Variants in MECOM observed in about 807,000 individuals in gnomAD.
MECOM encodes the protein histone-lysine N-methyltransferase MECOM.
MECOM carries 13 observed loss-of-function variants against 116.3 expected under a neutral mutation model. The observed-to-expected ratio is 0.11, with a 90% CI of 0.07 to 0.18. The LOEUF is 0.18. MECOM is among the 10% of genes least tolerant of loss of function. The pLI, the probability that MECOM is intolerant of heterozygous loss-of-function variation, is 1.00. For missense variants in MECOM, 1,299 were observed against 1,509.0 expected (o/e 0.86, Z 2.31); for synonymous variants, 528 against 535.2 (o/e 0.99, Z 0.19).
intron 1 of MECOM, among the ~76,000 whole-genome samples, chr3:169,566,753 T>A (rs1344621896): frequency 6.6e-6 from 1 of 152,110 alleles, no homozygotes; most frequent in African/African-American, 2.4e-5. Flanking sequence ...CAATAGAAAG[T>A]TACTTGAACT....
At chr3:169,542,038 T>C (rs1463677173) in intron 1 of MECOM, among the ~76,000 whole-genome samples, 1 of 152,216 alleles carries the variant, frequency 6.6e-6, no homozygotes, top group African/African-American at 2.4e-5. Flanking sequence ...TTAAAACGTA[T>C]TTCTACTAAG....
At chr3:169,500,779 T>C (rs911706077) in intron 1 of MECOM, among the ~76,000 whole-genome samples, 1 of 151,978 alleles carries the variant, frequency 6.6e-6, no homozygotes, top group Non-Finnish European at 1.5e-5. Context: ...TTAGGTTTAA[T>C]TATTCACCTA....
intron 2 of MECOM, among the ~76,000 whole-genome samples, chr3:169,240,320 T>C (rs1754627288): frequency 6.6e-6 from 1 of 152,178 alleles, no homozygotes; most frequent in Non-Finnish European, 1.5e-5. Flanking sequence ...AGAAATGACC[T>C]CTAGCTGGGT....
At chr3:169,444,157 CCCTTACT>C (rs1286907900) in intron 1 of MECOM, among the ~76,000 whole-genome samples, 1 of 152,080 alleles carries the variant, frequency 6.6e-6, no homozygotes, top group East Asian at 1.9e-4. Context: ...GATCTTGTTG[CCCTTACT>C]CCCAAATCTT....
intron 1 of MECOM, among the ~76,000 whole-genome samples, chr3:169,615,992 C>T (rs956883267): frequency 6.6e-5 from 10 of 152,236 alleles, no homozygotes; most frequent in African/African-American, 2.4e-4. Flanking sequence ...CTGTTGGTGG[C>T]TCCTTTCCAA....
intron 1 of MECOM, among the ~76,000 whole-genome samples, chr3:169,578,746 A>G (rs1764786673): frequency 6.6e-6 from 1 of 152,178 alleles, no homozygotes; most frequent in African/African-American, 2.4e-5. Context: ...GGGACCGCTG[A>G]ATTAATTACA....
chr3:169,533,597 C>CTTTTT (rs1446426838), intron 1 of MECOM, among the ~76,000 whole-genome samples: 4 of 59,186 alleles, frequency 6.8e-5, no homozygotes, highest in African/African-American at 2.5e-4. Flanking sequence ...TTTTTATTTC[C>CTTTTT]TTATGTCGTT....
At chr3:169,532,394 T>C (rs1280632599) in intron 1 of MECOM, among the ~76,000 whole-genome samples, 2 of 152,232 alleles carry the variant, frequency 1.3e-5, no homozygotes, top group African/African-American at 4.8e-5. Context: ...AGAATGGTGA[T>C]GCTAAGCTAC....
intron 2 of MECOM, among the ~76,000 whole-genome samples, chr3:169,172,407 A>ATGTGAGTG (rs1553758528): frequency 2.1e-5 from 3 of 144,374 alleles, no homozygotes; most frequent in African/African-American, 7.8e-5. Context: ...GTACCCTTGT[A>ATGTGAGTG]TGTGTGTGTG....
At chr3:169,545,767 C>A (rs972543767) in intron 1 of MECOM, among the ~76,000 whole-genome samples, 32 of 152,158 alleles carry the variant, frequency 2.1e-4, no homozygotes, top group African/African-American at 7.2e-4. Flanking sequence ...CAGCCTGAGG[C>A]ACATCCCTTC....
intron 2 of MECOM, among the ~76,000 whole-genome samples, chr3:169,370,812 A>G (rs749844011): frequency 2.0e-5 from 3 of 152,048 alleles, no homozygotes; most frequent in Non-Finnish European, 4.4e-5. Context: ...CATCATGGAA[A>G]CGCAAATCAA....
chr3:169,087,402 G>GC (rs1718147159), intron 16 of MECOM, among the ~76,000 whole-genome samples: 1 of 151,942 alleles, frequency 6.6e-6, no homozygotes, highest in Non-Finnish European at 1.5e-5. Flanking sequence ...TTTGAGACCA[G>GC]CCTGGGCAAC....
intron 1 of MECOM, among the ~76,000 whole-genome samples, chr3:169,417,351 G>A (rs1345062152): frequency 6.6e-6 from 1 of 151,402 alleles, no homozygotes; most frequent in Non-Finnish European, 1.5e-5. Flanking sequence ...AAAAACACAT[G>A]AAAAAATGCT....
At chr3:169,503,769 T>C (rs1881305) in intron 1 of MECOM, among the ~76,000 whole-genome samples, 25,404 of 152,112 alleles carry the variant, frequency 0.17, 2,279 homozygotes, top group East Asian at 0.33. Flanking sequence ...AGGAGACATA[T>C]CAAAGCATAT....
At chr3:169,169,712 T>C (rs896241367) in intron 2 of MECOM, among the ~76,000 whole-genome samples, 1 of 152,196 alleles carries the variant, frequency 6.6e-6, no homozygotes, top group African/African-American at 2.4e-5. Flanking sequence ...TAACCTTTAG[T>C]TTCCCTGAAC....
At chr3:169,603,146 T>C (rs905239327) in intron 1 of MECOM, among the ~76,000 whole-genome samples, 10 of 152,224 alleles carry the variant, frequency 6.6e-5, no homozygotes, top group African/African-American at 2.4e-4. Flanking sequence ...AATGGTCCCA[T>C]AAGATTATAA....
At chr3:169,437,629 C>A (rs1742886222) in intron 1 of MECOM, among the ~76,000 whole-genome samples, 1 of 152,136 alleles carries the variant, frequency 6.6e-6, no homozygotes, top group African/African-American at 2.4e-5. Context: ...CTCTTGTCCA[C>A]CTGTAACACC....
intron 1 of MECOM, among the ~76,000 whole-genome samples, chr3:169,480,011 G>A (rs77214614): frequency 6.6e-6 from 1 of 152,116 alleles, no homozygotes. Flanking sequence ...CTCCAGATTC[G>A]ATGTACTTTC....
intron 1 of MECOM, among the ~76,000 whole-genome samples, chr3:169,645,292 C>T (rs573267461): frequency 1.7e-5 from 2 of 119,414 alleles, no homozygotes; most frequent in Admixed American, 8.2e-5. Flanking sequence ...TCTGAGTAGA[C>T]AGATGTATTT....
Sources: allele counts gnomAD v4.1 joint callset (sites outside exome capture counted in the v4.1 genomes callset), GRCh38; gene constraint gnomAD v4.1.1; transcripts MANE v1.5; gene names NCBI Gene and HGNC (gene_info 2026-07-23, HGNC 2026-07-21).